FNDC3A: variants seen among roughly 807,000 people sequenced by gnomAD.
FNDC3A encodes the protein fibronectin type III domain containing 3A.
FNDC3A carries 32 observed loss-of-function variants against 148.9 expected under a neutral mutation model. The ratio of observed to expected loss-of-function variants is 0.21; its 90% confidence interval spans 0.16 to 0.29. The LOEUF is 0.29. FNDC3A is among the 10% of genes least tolerant of loss of function. The probability of loss-of-function intolerance (pLI) is 1.00; values close to 1 mark genes in which losing one functional copy is unlikely to be tolerated. For missense variants in FNDC3A, 1,191 were observed against 1,452.8 expected (o/e 0.82, Z 2.93); for synonymous variants, 472 against 473.6 (o/e 1.00, Z 0.04).
chr13:48,992,732 A>G (rs889289671), intron 1 of FNDC3A, among the ~76,000 whole-genome samples: 18 of 152,316 alleles, frequency 1.2e-4, no homozygotes, highest in African/African-American at 4.3e-4. Flanking sequence ...CAGTAAAGCT[A>G]TTTCAAAAAT....
intron 4 of FNDC3A, among the ~76,000 whole-genome samples, chr13:49,127,362 T>G (rs1019863928): frequency 6.6e-6 from 1 of 152,178 alleles, no homozygotes; most frequent in African/African-American, 2.4e-5. Flanking sequence ...AGCAGAACAT[T>G]TTAAAATTGT....
intron 3 of FNDC3A, among the ~76,000 whole-genome samples, chr13:49,103,181 C>T (rs1032441222): frequency 9.9e-5 from 15 of 152,220 alleles, no homozygotes; most frequent in African/African-American, 3.6e-4. Flanking sequence ...AAAGGTCTCA[C>T]AGCTATAAGC....
At chr13:49,002,660 G>T (rs1227066774) in intron 1 of FNDC3A, among the ~76,000 whole-genome samples, 3 of 151,980 alleles carry the variant, frequency 2.0e-5, no homozygotes, top group African/African-American at 7.2e-5. Context: ...ACCATAAATT[G>T]GTTTTATCTG....
chr13:49,038,018 A>C lies in FNDC3A; in HGVS notation c.99+31729A>C, dbSNP rs534077253. Among the ~76,000 whole-genome samples, 4 of 152,228 alleles carry C rather than the reference A, an allele frequency of 2.6e-5. No homozygotes were observed. The South Asian group carries it at 6.2e-4, about 24-fold the overall frequency. Reference sequence around the variant, plus strand: ...AGTGGTAGAAGTGGCTCTCAGCAGGATGGATGGGGAGCTGGAAGGGGACCA... The same window carrying C: ...AGTGGTAGAAGTGGCTCTCAGCAGGCTGGATGGGGAGCTGGAAGGGGACCA... On this transcript the variant is annotated intron_variant, in intron 2 of 25. Coordinates refer to ENST00000492622, the MANE Select transcript of FNDC3A (RefSeq NM_001079673.2).
intron 2 of FNDC3A, among the ~76,000 whole-genome samples, chr13:49,052,589 A>C (rs978714057): frequency 7.9e-5 from 12 of 152,136 alleles, no homozygotes; most frequent in Admixed American, 6.5e-5. Flanking sequence ...AGGGGAGTAA[A>C]GTGGACTCTG....
intron 3 of FNDC3A, among the ~76,000 whole-genome samples, chr13:49,104,813 C>G (rs1275085704): frequency 6.6e-6 from 1 of 152,068 alleles, no homozygotes; most frequent in African/African-American, 2.4e-5. Context: ...TGCTTGAAGA[C>G]TTAAAGACTT....
At chr13:49,027,647 G>A (rs1406380852) in intron 2 of FNDC3A, among the ~76,000 whole-genome samples, 4 of 152,008 alleles carry the variant, frequency 2.6e-5, no homozygotes, top group Non-Finnish European at 5.9e-5. Flanking sequence ...ATTATTATGA[G>A]TTAAGAGGTT....
At chr13:49,198,985 T>C (rs948844803) in intron 23 of FNDC3A, among the ~76,000 whole-genome samples, 1 of 152,144 alleles carries the variant, frequency 6.6e-6, no homozygotes, top group Non-Finnish European at 1.5e-5. Context: ...TAATCTTAGA[T>C]ACAAAATAAA....
intron 8 of FNDC3A, among the ~76,000 whole-genome samples, chr13:49,158,673 T>C (rs947644188): frequency 1.2e-4 from 19 of 152,248 alleles, no homozygotes; most frequent in African/African-American, 4.3e-4. Flanking sequence ...TTTCGGTGTT[T>C]TAGTCATGAA....
At chr13:49,103,207 A>G (rs958075442) in intron 3 of FNDC3A, among the ~76,000 whole-genome samples, 23 of 152,234 alleles carry the variant, frequency 1.5e-4, no homozygotes, top group South Asian at 2.1e-4. Flanking sequence ...TTAGAATTAG[A>G]TGGGCTAGCT....
At position 49,009,866 on chromosome 13, in the gene FNDC3A, C is replaced by A. The variant is rs191348027; in HGVS notation, c.99+3577C>A. ...TCAGTTAAGACCTTTAAAAACTTAG[C>A]CTGCCTATTATACAGTCTTTATTAG... On this transcript the variant is annotated intron_variant, in intron 2 of 25. Coordinates refer to ENST00000492622, the MANE Select transcript of FNDC3A (RefSeq NM_001079673.2). Among the ~76,000 whole-genome samples, 143 of 152,278 alleles carry A rather than the reference C, an allele frequency of 9.4e-4. 1 individual carries two copies. The highest frequency in any genetic ancestry group is 2.9e-4 in the Non-Finnish European group (20 of 68,022).
intron 1 of FNDC3A, among the ~76,000 whole-genome samples, chr13:49,001,903 G>A (rs1041974194): frequency 3.6e-4 from 54 of 152,052 alleles, no homozygotes; most frequent in Admixed American, 2.9e-3. Context: ...CTTGTGAAGC[G>A]TGTGATCTCT....
At position 49,049,795 on chromosome 13, in the gene FNDC3A, C is replaced by T. The variant is rs1875700410; in HGVS notation, c.100-25494C>T. On this transcript the variant is annotated intron_variant, in intron 2 of 25. Transcript: ENST00000492622. ...AGTGCAGTGGCGTGATCTCAGCTCA[C>T]TGCATCCTCTGCCTCCCATGTTCAA... Among the ~76,000 whole-genome samples, 3 of 152,148 alleles carry T rather than the reference C, an allele frequency of 2.0e-5. No individual in the cohort carries two copies. The South Asian group carries it at 6.2e-4, about 32-fold the overall frequency.
At chr13:48,992,014 G>A (rs906615213) in intron 1 of FNDC3A, among the ~76,000 whole-genome samples, 1 of 152,322 alleles carries the variant, frequency 6.6e-6, no homozygotes, top group African/African-American at 2.4e-5. Flanking sequence ...CCGAATGCTT[G>A]TATGGATACT....
intron 8 of FNDC3A, among the ~76,000 whole-genome samples, chr13:49,150,941 C>CT (rs1883252592): frequency 1.3e-5 from 1 of 75,306 alleles, no homozygotes; most frequent in African/African-American, 5.2e-5. Context: ...AAGACTCCGT[C>CT]TCAAAAAAAA....
intron 1 of FNDC3A, among the ~76,000 whole-genome samples, chr13:48,986,422 G>GTCTT (rs1321062249): frequency 8.3e-6 from 1 of 120,210 alleles, no homozygotes; most frequent in Non-Finnish European, 1.7e-5. Context: ...TTGAGGCGGA[G>GTCTT]TCTTGCTCTG....
Position 49,178,660 on chromosome 13 carries a change from C to G in FNDC3A, c.1617+6C>G. The G allele has an allele frequency of 6.8e-7, 1 of 1,460,126 alleles. No individual in the cohort carries two copies. The highest frequency in any genetic ancestry group is 9.4e-7 in the Non-Finnish European group (1 of 1,069,324). The allele number at this position is 1,460,126 out of a possible 1,614,324, so 90.4% of individuals were successfully genotyped here. A position where few individuals can be genotyped will look rare whatever the true frequency, so the allele number is the denominator to read the frequency against. ...GTACTAAGTATAAATTTAAGGTAAG[C>G]TTTGAAAACCCTTAAACGATTTGTT... On this transcript the variant is annotated splice_donor_region_variant and intron_variant, in intron 14 of 25. Transcript: ENST00000492622.
intron 2 of FNDC3A, among the ~76,000 whole-genome samples, chr13:49,042,596 T>C (rs1039528365): frequency 1.3e-5 from 2 of 151,958 alleles, no homozygotes; most frequent in African/African-American, 4.8e-5. Flanking sequence ...GGCAAGATAG[T>C]GAGACCCTGT....
At position 49,117,863 on chromosome 13, in the gene FNDC3A, A is replaced by G. The variant is rs181625054; in HGVS notation, c.252+3132A>G. ...CCCATGCATACCAAGGGACAACTGC[A>G]TATGTATTTTTACTCCTACAGGATT... On this transcript the variant is annotated intron_variant, in intron 4 of 25. Coordinates refer to ENST00000492622, the MANE Select transcript of FNDC3A (RefSeq NM_001079673.2). 1.2e-4 allele frequency among the ~76,000 whole-genome samples: 19 copies of G among 152,324 alleles called. No homozygotes were observed. In the East Asian group the frequency reaches 3.7e-3, roughly 29 times the overall value.
Sources: allele counts gnomAD v4.1 joint callset (sites outside exome capture counted in the v4.1 genomes callset), GRCh38; gene constraint gnomAD v4.1.1; transcripts MANE v1.5; gene names NCBI Gene and HGNC (gene_info 2026-07-23, HGNC 2026-07-21).